NCOA7: variants seen among roughly 807,000 people sequenced by gnomAD.
The protein encoded by NCOA7 is nuclear receptor coactivator 7.
A neutral mutation model predicts 104.3 loss-of-function variants in NCOA7; 45 were observed. The observed-to-expected ratio is 0.43, with a 90% confidence interval of 0.34 to 0.55. The LOEUF (loss-of-function observed/expected upper bound fraction) is 0.55, where lower values mean the gene tolerates loss of function less well. Among genes scored for constraint, NCOA7 ranks in the 20% least tolerant of loss-of-function variants. The probability of loss-of-function intolerance (pLI) is 0.02; values close to 1 mark genes in which losing one functional copy is unlikely to be tolerated. For missense variants in NCOA7, 1,041 were observed against 1,119.7 expected (o/e 0.93, Z 1.00); for synonymous variants, 398 against 402.3 (o/e 0.99, Z 0.13).
In NCOA7 at chr6:125,814,576, T is replaced by C. The variant is rs574118179; in HGVS notation, c.-64-715T>C. Among the ~76,000 whole-genome samples, 382 of 152,260 alleles carry C rather than the reference T, an allele frequency of 2.5e-3. 4 individuals carry two copies. The highest frequency in any genetic ancestry group is 2.8e-3 in the Admixed American group (43 of 15,294). ...GGTGAATCACTGAATAAGTAGACAA[T>C]TGGAAATTTTTGAGCAGGGGAGTGG... On this transcript the variant is annotated intron_variant, in intron 1 of 15. Transcript: ENST00000392477.
intron 4 of NCOA7, among the ~76,000 whole-genome samples, chr6:125,876,065 A>G (rs946258888): frequency 1.3e-5 from 2 of 152,202 alleles, no homozygotes; most frequent in African/African-American, 4.8e-5. Flanking sequence ...TTTGACTTCT[A>G]AGAAGAAATT....
At chr6:125,806,763 T>C (rs1224502750) in intron 1 of NCOA7, among the ~76,000 whole-genome samples, 2 of 152,220 alleles carry the variant, frequency 1.3e-5, no homozygotes, top group Non-Finnish European at 2.9e-5. Context: ...CTATATTATG[T>C]CTTCTAATGA....
chr6:125,893,092 G>A (rs1192948158), intron 10 of NCOA7, among the ~76,000 whole-genome samples: 1 of 152,186 alleles, frequency 6.6e-6, no homozygotes, highest in East Asian at 1.9e-4. Flanking sequence ...GTCCTTAAGG[G>A]GGAGCTAAGA....
intron 1 of NCOA7, among the ~76,000 whole-genome samples, chr6:125,784,915 T>C (rs1183282366): frequency 6.6e-6 from 1 of 152,078 alleles, no homozygotes; most frequent in East Asian, 1.9e-4. Flanking sequence ...AGGAGTAGCT[T>C]ATGGGAGCCT....
intron 2 of NCOA7, among the ~76,000 whole-genome samples, chr6:125,827,210 A>G (rs911861139): frequency 7.4e-6 from 1 of 134,434 alleles, no homozygotes; most frequent in Non-Finnish European, 1.7e-5. Context: ...AAAAAAAAAA[A>G]AAAAAAGTGA....
intron 2 of NCOA7, among the ~76,000 whole-genome samples, chr6:125,845,304 C>T (rs1036880835): frequency 6.6e-6 from 1 of 152,162 alleles, no homozygotes; most frequent in Non-Finnish European, 1.5e-5. Flanking sequence ...TGCAGTCCAG[C>T]AATTTACTAA....
chr6:125,834,885 G>A (rs1255973341), intron 2 of NCOA7, among the ~76,000 whole-genome samples: 1 of 152,202 alleles, frequency 6.6e-6, no homozygotes, highest in Non-Finnish European at 1.5e-5. Flanking sequence ...GCATTGATTA[G>A]TGATTGGCTA....
Position 125,813,769 on chromosome 6 carries a change from A to G in NCOA7, c.-64-1522A>G, listed in dbSNP as rs141077808. On this transcript the variant is annotated intron_variant, in intron 1 of 15. Coordinates refer to ENST00000392477, the MANE Select transcript of NCOA7 (RefSeq NM_181782.5). Reference sequence around the variant, plus strand: ...CTGGCCGGAAATCCATTCTTAACCTACAACCTTAGTGTGTGCTCAGGATAC... The same window carrying G: ...CTGGCCGGAAATCCATTCTTAACCTGCAACCTTAGTGTGTGCTCAGGATAC... 4.2e-3 allele frequency among the ~76,000 whole-genome samples: 636 copies of G among 152,174 alleles called. 4 individuals are homozygous for G. The highest frequency in any genetic ancestry group is 0.019 in the South Asian group (92 of 4,818).
In NCOA7 at chr6:125,858,487, A is replaced by G. The variant is rs1012275568; in HGVS notation, c.271+3247A>G. On this transcript the variant is annotated intron_variant, in intron 3 of 15. Transcript: ENST00000392477. ...AAGATCCTGCCTCTACAAAAAATAC[A>G]TTAGCCAGGCATAGTAGCACACACC... 2.6e-5 allele frequency among the ~76,000 whole-genome samples: 4 copies of G among 152,036 alleles called. No individual in the cohort carries two copies. The East Asian group carries it at 7.7e-4, about 29-fold the overall frequency.
intron 1 of NCOA7, among the ~76,000 whole-genome samples, chr6:125,784,207 T>C (rs1243682507): frequency 6.6e-6 from 1 of 152,252 alleles, no homozygotes; most frequent in East Asian, 1.9e-4. Context: ...TTCTTTTGTT[T>C]ATTAAGCTAT....
chr6:125,870,218 A>C (rs772976687), intron 3 of NCOA7, among the ~76,000 whole-genome samples: 3 of 151,938 alleles, frequency 2.0e-5, no homozygotes, highest in Non-Finnish European at 2.9e-5. Flanking sequence ...AAATCTCATT[A>C]CTCTTACTCC....
intron 13 of NCOA7, among the ~76,000 whole-genome samples, chr6:125,925,364 G>C (rs1055077450): frequency 6.6e-6 from 1 of 152,218 alleles, no homozygotes; most frequent in Non-Finnish European, 1.5e-5. Context: ...TCCAAGAAAA[G>C]AGACAGCTAT....
At position 125,889,644 on chromosome 6, in the gene NCOA7, C is replaced by G. The variant is rs779017151; in HGVS notation, c.1590C>G (p.Asn530Lys). 5 of 1,613,886 alleles carry G rather than the reference C, an allele frequency of 3.1e-6. No individual in the cohort carries two copies. The East Asian group carries it at 1.1e-4, about 36-fold the overall frequency. ...TCATTGAATATTACCTGACTAAGAA[C>G]AAAGAAGGGCCACAGGTATCTGAAA... ...VKLIEYYLTK[N>K]KEGPQVSENL... Residue 530 changes from asparagine to lysine, a missense_variant, in exon 9 of 16, where the codon AAC becomes AAG. Around this residue, in one of 2 missense-constraint regions of NCOA7, gnomAD observed 914 missense variants for 942.7 expected, o/e 0.97. Transcript: ENST00000392477.
chr6:125,804,754 A>G, intron 1 of NCOA7, among the ~76,000 whole-genome samples: 1 of 152,352 alleles, frequency 6.6e-6, no homozygotes, highest in South Asian at 2.1e-4. Context: ...GATGGCTTTC[A>G]TAATTTAAGA....
chr6:125,890,159 T>C (rs1442219446), intron 9 of NCOA7, among the ~76,000 whole-genome samples, 178 bp downstream of exon 9: 1 of 152,228 alleles, frequency 6.6e-6, no homozygotes, highest in African/African-American at 2.4e-5. Flanking sequence ...GTATCTATTT[T>C]GGAACTTGGA....
chr6:125,791,253 G>A (rs978611371), intron 1 of NCOA7, among the ~76,000 whole-genome samples, 186 bp downstream of exon 1: 2 of 152,206 alleles, frequency 1.3e-5, no homozygotes, highest in African/African-American at 4.8e-5. Context: ...GCTTGAGCTC[G>A]GGAGGCCGAG....
At chr6:125,847,249 T>G (rs1191868804) in intron 2 of NCOA7, among the ~76,000 whole-genome samples, 1 of 152,236 alleles carries the variant, frequency 6.6e-6, no homozygotes, top group Non-Finnish European at 1.5e-5. Flanking sequence ...TAGGACTAAC[T>G]ATAGCTCTAG....
chr6:125,907,466 C>T lies in NCOA7; in HGVS notation c.2097-7867C>T, dbSNP rs190267075. ...GGTGGTGCTGTGAGTCCCTCATCAG[C>T]GGAAGGTGCAGGAGCGGGAATAACA... On this transcript the variant is annotated intron_variant, in intron 10 of 15. Transcript: ENST00000392477. Among the ~76,000 whole-genome samples the T allele has an allele frequency of 6.5e-4, 99 of 152,256 alleles. 1 individual carries two copies. The highest frequency in any genetic ancestry group is 6.8e-3 in the Middle Eastern group (2 of 294).
rs139827213 is a variant in NCOA7, at chr6:125,841,540, G to A, written c.51-13480G>A. 4.6e-3 allele frequency among the ~76,000 whole-genome samples: 695 copies of A among 151,948 alleles called. 4 individuals carry two copies. Among genetic ancestry groups the A allele is most frequent in the Non-Finnish European group, 5.9e-3 (398 of 67,970 alleles). Reference sequence around the variant, plus strand: ...CATTGTTGGATTTTTTTTTAAGAGCGTGATCAAGACCGTCTTGTGATTGGA... The same window carrying A: ...CATTGTTGGATTTTTTTTTAAGAGCATGATCAAGACCGTCTTGTGATTGGA... On this transcript the variant is annotated intron_variant, in intron 2 of 15. Coordinates refer to ENST00000392477, the MANE Select transcript of NCOA7 (RefSeq NM_181782.5).
Sources: gnomAD v4.1 joint callset for allele counts (sites outside exome capture counted in the v4.1 genomes callset) on GRCh38, gnomAD v4.1.1 for gene constraint, gnomAD v4.1.1 regional missense constraint, MANE v1.5 for transcripts, NCBI Gene and HGNC (gene_info 2026-07-23, HGNC 2026-07-21) for gene names.